Variants in CCDC33 observed in about 807,000 individuals in gnomAD.
CCDC33 encodes the protein coiled-coil domain-containing protein 33.
Under a neutral mutation model 91.9 loss-of-function variants are expected in CCDC33, and 94 were observed. The ratio of observed to expected loss-of-function variants is 1.02; its 90% CI spans 0.87 to 1.21. The LOEUF is 1.21. Ranked by LOEUF, CCDC33 falls within the 50% of genes most tolerant of loss-of-function variation. CCDC33 has a pLI of 0.00. For missense variants in CCDC33, 940 were observed against 935.5 expected, an observed-to-expected ratio of 1.00 and a Z score of -0.06; for synonymous variants, 396 against 374.5, an observed-to-expected ratio of 1.06 and a Z score of -0.66.
intron 11 of CCDC33, among the ~76,000 whole-genome samples, chr15:74,320,804 A>G (rs2060192196): frequency 1.3e-5 from 2 of 152,082 alleles, no homozygotes; most frequent in African/African-American, 4.8e-5. Flanking sequence ...TATCCCACCC[A>G]GCCAATGAGG....
Position 74,259,495 on chromosome 15 carries a change from G to A in CCDC33, c.186-2945G>A, listed in dbSNP as rs1042723778. On this transcript the variant is annotated intron_variant, in intron 2 of 18. Coordinates refer to ENST00000398814, the MANE Select transcript of CCDC33 (RefSeq NM_025055.5). ...GCCAGGAAAAGCCATTACCCCGAGA[G>A]CCTCCCTCCACCTGCTAAAAGCCTC... Among the ~76,000 whole-genome samples, 12 of 152,210 alleles carry A rather than the reference G, an allele frequency of 7.9e-5. No individual in the cohort carries two copies. The East Asian group carries it at 2.3e-3, about 29-fold the overall frequency.
chr15:74,266,592 GTC>G (rs2076171989), intron 3 of CCDC33, 84 bp from the exon 4 acceptor site: 2 of 942,352 alleles, frequency 2.1e-6, no homozygotes, highest in South Asian at 1.4e-5. Flanking sequence ...TCTCAACAAT[GTC>G]TCTCACCTCT....
chr15:74,310,980 G>A (rs367688591), intron 11 of CCDC33, among the ~76,000 whole-genome samples: 4 of 152,208 alleles, frequency 2.6e-5, no homozygotes, highest in Non-Finnish European at 4.4e-5. Context: ...GCAGCAGTGA[G>A]GTGGTTTTCC....
In CCDC33 at chr15:74,273,529, C is replaced by T. The variant is rs550087588; in HGVS notation, c.759+638C>T. Among the ~76,000 whole-genome samples, 9 of 152,256 alleles carry T rather than the reference C, an allele frequency of 5.9e-5. No individual in the cohort carries two copies. The East Asian group carries it at 1.2e-3, about 20-fold the overall frequency. On this transcript the variant is annotated intron_variant, in intron 7 of 18. Coordinates refer to ENST00000398814, the MANE Select transcript of CCDC33 (RefSeq NM_025055.5). ...TGTCTCCCAGGCTGGAGTGCAGTGG[C>T]GCAGTCTTGGCTCACTGCAACCTCT...
chr15:74,312,822 TCCTTCACCTCCC>T (rs570182405), intron 11 of CCDC33, among the ~76,000 whole-genome samples: 27 of 152,158 alleles, frequency 1.8e-4, no homozygotes, highest in African/African-American at 6.5e-4. Flanking sequence ...GTCTTCATCT[TCCTTCACCTCCC>T]CCTCAACACC....
exon 1 of CCDC33, chr15:74,217,471 A>G: frequency 7.8e-7 from 1 of 1,289,724 alleles, no homozygotes; most frequent in South Asian, 1.2e-5. Flanking sequence ...CAAGTGAATG[A>G]TGGGGACCCC....
intron 4 of CCDC33, among the ~76,000 whole-genome samples, chr15:74,267,858 C>T (rs1234017183): frequency 2.6e-5 from 4 of 152,190 alleles, no homozygotes; most frequent in Non-Finnish European, 5.9e-5. Flanking sequence ...ATCCCTCCTC[C>T]GGGCCAGCAC....
upstream of CCDC33, among the ~76,000 whole-genome samples, chr15:74,235,794 T>C (rs7173681): frequency 1.4e-4 from 21 of 152,356 alleles, no homozygotes; most frequent in African/African-American, 5.0e-4. Flanking sequence ...CTTTCTTTAA[T>C]TGTTTAATTA....
At chr15:74,292,420 G>A (rs184319796) in intron 10 of CCDC33, among the ~76,000 whole-genome samples, 1 of 152,300 alleles carries the variant, frequency 6.6e-6, no homozygotes, top group African/African-American at 2.4e-5. Flanking sequence ...GCTGATTGAA[G>A]CTGTGGAGTC....
In CCDC33 at chr15:74,333,884, C is replaced by A. The variant is rs371841800; in HGVS notation, c.1942C>A (p.Leu648Ile). 2.5e-6 allele frequency: 4 copies of A among 1,613,038 alleles called. No individual in the cohort carries two copies. Among genetic ancestry groups the A allele is most frequent in the South Asian group, 1.1e-5 (1 of 91,004 alleles). The change falls in exon 17 of 19, where the codon CTC (leucine) becomes ATC (isoleucine). Residue 648 changes from leucine (L) to isoleucine (I), a missense_variant. Transcript: ENST00000398814. ...TGAGTTTGTGCTTTGCCCACAGGAT[C>A]TCCTCTCTGGTACTTCAGACAAGTT... is the stretch of plus-strand genomic sequence containing the variant. ...IILQQQALPDLLSGTSDKFNL... is the reference protein window; with the variant it reads ...IILQQQALPDILSGTSDKFNL...
chr15:74,278,075 C>T lies in CCDC33; in HGVS notation c.760-1888C>T, dbSNP rs1188268345. ...CACAGAAGTCAGAACCAACTTCTCT[C>T]ACCGGACCTGTTGGCCAAGCTCCCA... On this transcript the variant is annotated intron_variant, in intron 7 of 18. Coordinates refer to ENST00000398814, the MANE Select transcript of CCDC33 (RefSeq NM_025055.5). Among the ~76,000 whole-genome samples, 7 of 152,344 alleles carry T rather than the reference C, an allele frequency of 4.6e-5. No homozygotes were observed. In the East Asian group the frequency reaches 1.4e-3, roughly 29 times the overall value.
chr15:74,311,072 G>C (rs149081803), intron 11 of CCDC33, among the ~76,000 whole-genome samples: 11 of 142,870 alleles, frequency 7.7e-5, no homozygotes, highest in African/African-American at 2.9e-4. Flanking sequence ...CACGGGGCCT[G>C]TAGCACAGGC....
At position 74,272,749 on chromosome 15, in the gene CCDC33, C is replaced by A. The variant is rs932605120; in HGVS notation, c.639-22C>A. ...TCAGGTGCAGAGCCCAGAGCACTGA[C>A]CCTGTCTCCCTGCCTCCCCAGGGTC... On this transcript the variant is annotated intron_variant, in intron 6 of 18. Transcript: ENST00000398814. The A allele has an allele frequency of 1.1e-5, 17 of 1,612,860 alleles. No homozygotes were observed. In the East Asian group the frequency reaches 3.6e-4, roughly 34 times the overall value.
In CCDC33 at chr15:74,316,118, C is replaced by T. The variant is rs916750049; in HGVS notation, c.1291-14071C>T. 1.3e-5 allele frequency among the ~76,000 whole-genome samples: 2 copies of T among 152,174 alleles called. No homozygotes were observed. The highest frequency in any genetic ancestry group is 4.8e-5 in the African/African-American group (2 of 41,450). On this transcript the variant is annotated intron_variant, in intron 11 of 18. Transcript: ENST00000398814. This position sits in a 1 kb window ranked among gnomAD's most constrained non-coding sequence, Gnocchi z 4.7. ...TGGGCAAGGGGCAGGGGTGGGGGCT[C>T]TTGAGCACCCGTTTTATAGATGAAA...
intron 10 of CCDC33, among the ~76,000 whole-genome samples, 160 bp from the exon 11 acceptor site, chr15:74,295,594 G>A (rs559771008): frequency 2.6e-5 from 4 of 152,250 alleles, no homozygotes; most frequent in African/African-American, 7.2e-5. Context: ...TTTGGGACCC[G>A]GTGAGCAAGG....
In CCDC33 at chr15:74,332,720, A is replaced by G. The variant is rs1351778880; in HGVS notation, c.1813A>G (p.Met605Val). Reference protein sequence around the residue: ...LSASGLPLGSMGENLPVELYS... With the variant: ...LSASGLPLGSVGENLPVELYS... ...AGCCTCTGGCCTTCCCTTGGGTTCT[A>G]TGGGAGAGAACCTGCCGGTTGAACT... is the stretch of plus-strand genomic sequence containing the variant. The change falls in exon 16 of 19, where the codon ATG becomes GTG. Residue 605 changes from methionine to valine, a missense_variant. Met to Val is a conservative substitution (Grantham distance 21). Coordinates refer to ENST00000398814, the MANE Select transcript of CCDC33 (RefSeq NM_025055.5). The G allele has an allele frequency of 1.9e-6, 3 of 1,614,034 alleles. No individual in the cohort carries two copies. Among genetic ancestry groups the G allele is most frequent in the South Asian group, 1.1e-5 (1 of 91,086 alleles).
At chr15:74,203,297 G>T in intron 1 of CCDC33, 1 of 794,632 alleles carries the variant, frequency 1.3e-6, no homozygotes, top group Non-Finnish European at 1.5e-6. Flanking sequence ...CCAGACCCAC[G>T]GGTAGGCAAG....
At chr15:74,328,948 C>T (rs1359643020) in intron 11 of CCDC33, among the ~76,000 whole-genome samples, 1 of 152,184 alleles carries the variant, frequency 6.6e-6, no homozygotes, top group Non-Finnish European at 1.5e-5. Context: ...ATGCCCATTT[C>T]CTCCCCCATC....
At position 74,266,776 on chromosome 15, in the gene CCDC33, G is replaced by C; in HGVS notation, c.418G>C (p.Glu140Gln). 6 of 1,613,470 alleles carry C rather than the reference G, an allele frequency of 3.7e-6. No homozygotes were observed. Among genetic ancestry groups the C allele is most frequent in the Non-Finnish European group, 5.1e-6 (6 of 1,179,420 alleles). Residue 140 changes from glutamate (E) to glutamine (Q), a missense_variant, in exon 4 of 19, where the codon GAG (glutamate) becomes CAG (glutamine). By Grantham distance (29) the Glu-to-Gln change is conservative. Coordinates refer to ENST00000398814, the MANE Select transcript of CCDC33 (RefSeq NM_025055.5). ...GCGTGTCTTCCACCCCTACCACTTT[G>C]AGCTGGTGAAGGTGAGTCAGAGGCC... ...YLRVFHPYHF[E>Q]LVKPTESGKA...
Sources: gnomAD v4.1 joint callset for allele counts (sites outside exome capture counted in the v4.1 genomes callset) on GRCh38, gnomAD v4.1.1 for gene constraint, Gnocchi (gnomAD v3.1) non-coding constraint, MANE v1.5 for transcripts, NCBI Gene and HGNC (gene_info 2026-07-23, HGNC 2026-07-21) for gene names.